The following PTPRD variants were observed in gnomAD, a reference collection of about 807,000 sequenced individuals.
The protein encoded by PTPRD is receptor-type tyrosine-protein phosphatase delta.
A neutral mutation model predicts 214.5 loss-of-function variants in PTPRD; 34 were observed. The ratio of observed to expected loss-of-function variants is 0.16; its 90% CI spans 0.12 to 0.21. The LOEUF is 0.21. Among genes scored for constraint, PTPRD ranks in the 10% least tolerant of loss-of-function variants. PTPRD has a pLI of 1.00. For missense variants in PTPRD, 2,545 were observed against 2,398.7 expected (o/e 1.06, Z -1.27); for synonymous variants, 1,128 against 845.7 (o/e 1.33, Z -5.79).
intron 10 of PTPRD, among the ~76,000 whole-genome samples, chr9:9,140,713 G>C (rs906756806): frequency 6.6e-6 from 1 of 152,182 alleles, no homozygotes; most frequent in Admixed American, 6.5e-5. Context: ...TAAGTAGCTG[G>C]GACTACAGGT....
chr9:10,289,897 T>C (rs561143606), intron 3 of PTPRD, among the ~76,000 whole-genome samples: 14 of 152,268 alleles, frequency 9.2e-5, no homozygotes, highest in East Asian at 7.7e-4. Flanking sequence ...GAAAAACAGA[T>C]CCCTTATGTG....
intron 7 of PTPRD, among the ~76,000 whole-genome samples, chr9:9,614,831 T>C (rs1483061696): frequency 6.6e-6 from 1 of 152,214 alleles, no homozygotes; most frequent in Non-Finnish European, 1.5e-5. Context: ...GGGTGATTTC[T>C]AGATTATCTC....
chr9:10,007,459 T>C (rs935586203), intron 4 of PTPRD, among the ~76,000 whole-genome samples: 37 of 151,968 alleles, frequency 2.4e-4, no homozygotes, highest in African/African-American at 8.5e-4. Flanking sequence ...CGAAGAGGCG[T>C]TCTGAATTAC....
intron 3 of PTPRD, among the ~76,000 whole-genome samples, chr9:10,278,085 G>T (rs1408402691): frequency 6.6e-6 from 1 of 151,768 alleles, no homozygotes; most frequent in African/African-American, 2.4e-5. Context: ...GCGTGAACTT[G>T]GGAGGTGGAG....
chr9:9,014,598 T>C (rs1051074237), intron 11 of PTPRD, among the ~76,000 whole-genome samples: 7 of 152,164 alleles, frequency 4.6e-5, no homozygotes, highest in African/African-American at 1.7e-4. Context: ...TTATTTATGG[T>C]AATAACAATA....
At chr9:9,483,450 C>T (rs2095500106) in intron 8 of PTPRD, among the ~76,000 whole-genome samples, 1 of 151,972 alleles carries the variant, frequency 6.6e-6, no homozygotes, top group Non-Finnish European at 1.5e-5. Context: ...TTTTTGCAAC[C>T]TAGAGGTGAG....
intron 2 of PTPRD, among the ~76,000 whole-genome samples, chr9:10,553,845 C>A (rs76356465): frequency 0.052 from 7,948 of 152,228 alleles, 323 homozygotes; most frequent in Middle Eastern, 0.12. Context: ...TGTTTTTACT[C>A]ACTTGTACAG....
At chr9:9,546,830 T>C (rs1281259932) in intron 8 of PTPRD, among the ~76,000 whole-genome samples, 3 of 151,798 alleles carry the variant, frequency 2.0e-5, no homozygotes, top group African/African-American at 4.8e-5. Context: ...GATCTTAATA[T>C]AGTGGAGTAA....
intron 14 of PTPRD, among the ~76,000 whole-genome samples, chr9:8,623,010 G>C (rs2095869869): frequency 6.6e-6 from 1 of 151,668 alleles, no homozygotes; most frequent in Non-Finnish European, 1.5e-5. Context: ...AAAATTAGCT[G>C]GGCAAGATGA....
intron 7 of PTPRD, among the ~76,000 whole-genome samples, chr9:9,725,734 G>T (rs994645610): frequency 6.6e-6 from 1 of 152,148 alleles, no homozygotes; most frequent in Non-Finnish European, 1.5e-5. Flanking sequence ...CATTTGAGAA[G>T]TTTTCTGTGG....
intron 7 of PTPRD, among the ~76,000 whole-genome samples, chr9:9,587,429 C>A (rs2092173357): frequency 6.6e-6 from 1 of 151,988 alleles, no homozygotes; most frequent in Non-Finnish European, 1.5e-5. Context: ...GGGCATAGAT[C>A]TAGATAGGAG....
chr9:9,113,911 A>G (rs1387281928), intron 10 of PTPRD, among the ~76,000 whole-genome samples: 2 of 152,186 alleles, frequency 1.3e-5, no homozygotes, highest in African/African-American at 4.8e-5. Context: ...AGTATTCACC[A>G]AAAAATGCTC....
At chr9:9,575,323 A>C (rs1384444104) in intron 7 of PTPRD, among the ~76,000 whole-genome samples, 1 of 152,130 alleles carries the variant, frequency 6.6e-6, no homozygotes, top group African/African-American at 2.4e-5. Context: ...GTACATCCTA[A>C]ATTATTTAAG....
intron 8 of PTPRD, among the ~76,000 whole-genome samples, chr9:9,470,679 C>A (rs564101332): frequency 1.3e-5 from 2 of 152,204 alleles, no homozygotes; most frequent in South Asian, 2.1e-4. Context: ...GTGAAGAAAT[C>A]TACATTCTCT....
chr9:10,165,939 T>C (rs2099156365), intron 3 of PTPRD, among the ~76,000 whole-genome samples: 1 of 150,682 alleles, frequency 6.6e-6, no homozygotes, highest in East Asian at 1.9e-4. Context: ...ACATAATCTA[T>C]GTTTTATGTA....
intron 2 of PTPRD, among the ~76,000 whole-genome samples, chr9:10,447,574 G>A (rs1043059246): frequency 2.6e-5 from 4 of 151,916 alleles, no homozygotes; most frequent in Non-Finnish European, 4.4e-5. Flanking sequence ...CTGTTTTAGA[G>A]CATTGAAAAA....
chr9:9,480,174 AG>A (rs2095343869), intron 8 of PTPRD, among the ~76,000 whole-genome samples: 1 of 152,174 alleles, frequency 6.6e-6, no homozygotes, highest in East Asian at 1.9e-4. Flanking sequence ...CATCAGTCCA[AG>A]GGTGCATGGA....
At chr9:9,262,658 T>C (rs2099980658) in intron 9 of PTPRD, among the ~76,000 whole-genome samples, 1 of 151,670 alleles carries the variant, frequency 6.6e-6, no homozygotes, top group Admixed American at 6.6e-5. Context: ...ACTTAGTCAA[T>C]GATTCCTAGA....
intron 10 of PTPRD, among the ~76,000 whole-genome samples, chr9:9,060,806 T>C (rs76680437): frequency 2.0e-3 from 304 of 152,344 alleles, no homozygotes; most frequent in African/African-American, 7.0e-3. Context: ...CAGTGTCATG[T>C]GTCACATGTG....
Sources: gnomAD v4.1 joint callset for allele counts (sites outside exome capture counted in the v4.1 genomes callset) on GRCh38, gnomAD v4.1.1 for gene constraint, MANE v1.5 for transcripts, NCBI Gene and HGNC (gene_info 2026-07-23, HGNC 2026-07-21) for gene names.